Variants in GPC5 observed in about 807,000 individuals in gnomAD.
GPC5 encodes glypican 5.
GPC5 carries 47 observed loss-of-function variants against 53.9 expected under a neutral mutation model. That is an observed-to-expected ratio of 0.87 (90% CI 0.69 to 1.11). The LOEUF is 1.11. Ranked by LOEUF, GPC5 falls within the 50% of genes most tolerant of loss-of-function variation. The pLI, the probability that GPC5 is intolerant of heterozygous loss-of-function variation, is 0.00. For synonymous variants in GPC5, 286 were observed against 263.3 expected (o/e 1.09, Z -0.84); for missense variants, 748 against 713.1 (o/e 1.05, Z -0.56).
chr13:92,183,601 A>G (rs1357821726), intron 7 of GPC5, among the ~76,000 whole-genome samples: 1 of 152,158 alleles, frequency 6.6e-6, no homozygotes, highest in Non-Finnish European at 1.5e-5. Context: ...TAAGATTAAA[A>G]ACCCTTGGAA....
At chr13:92,660,186 G>A (rs1394184855) in intron 7 of GPC5, among the ~76,000 whole-genome samples, 1 of 152,016 alleles carries the variant, frequency 6.6e-6, no homozygotes, top group East Asian at 1.9e-4. Flanking sequence ...TTTACCTATA[G>A]TACATTTTGT....
chr13:91,818,949 G>T (rs1200659084), intron 5 of GPC5, among the ~76,000 whole-genome samples: 1 of 151,808 alleles, frequency 6.6e-6, no homozygotes, highest in Admixed American at 6.6e-5. Context: ...GACACACAGT[G>T]TAAAACATAT....
intron 7 of GPC5, among the ~76,000 whole-genome samples, chr13:92,654,530 A>G (rs1435965928): frequency 6.6e-6 from 1 of 152,116 alleles, no homozygotes. Flanking sequence ...ATTACACTTG[A>G]CCATTTCTAT....
At chr13:91,485,044 A>G (rs1049043983) in intron 2 of GPC5, among the ~76,000 whole-genome samples, 11 of 152,238 alleles carry the variant, frequency 7.2e-5, no homozygotes, top group African/African-American at 2.7e-4. Flanking sequence ...GCAGAACCCC[A>G]GGCCCAGGCC....
intron 7 of GPC5, among the ~76,000 whole-genome samples, chr13:92,514,381 G>A (rs898416209): frequency 2.6e-5 from 4 of 152,042 alleles, no homozygotes; most frequent in Admixed American, 1.3e-4. Flanking sequence ...ATCAGAAAGA[G>A]CCCAGGGAAA....
chr13:91,981,066 T>C (rs1338919295), intron 6 of GPC5, among the ~76,000 whole-genome samples: 2 of 152,214 alleles, frequency 1.3e-5, no homozygotes, highest in Non-Finnish European at 2.9e-5. Flanking sequence ...AAGAGTATTA[T>C]TGTTTGTGTC....
At chr13:91,842,155 T>C (rs1204854418) in intron 5 of GPC5, among the ~76,000 whole-genome samples, 1 of 151,964 alleles carries the variant, frequency 6.6e-6, no homozygotes, top group Non-Finnish European at 1.5e-5. Flanking sequence ...AGTTCATAAA[T>C]ATTTGGGTTT....
chr13:92,129,576 T>A (rs1374079291), intron 6 of GPC5, among the ~76,000 whole-genome samples: 1 of 152,192 alleles, frequency 6.6e-6, no homozygotes, highest in East Asian at 1.9e-4. Flanking sequence ...AAATTTAGAA[T>A]AACCATTGCT....
rs181422265 is a variant in GPC5 at position 92,230,402 on chromosome 13, T to C, written c.1561+85413T>C. On this transcript the variant is annotated intron_variant, in intron 7 of 7. Coordinates refer to ENST00000377067, the MANE Select transcript of GPC5 (RefSeq NM_004466.6). ...TACTACCAATTTGTTTTGAGGAGAATATCTGTGTAACGTACTATTAACAAA... is the reference window on the plus strand; with the variant it reads ...TACTACCAATTTGTTTTGAGGAGAACATCTGTGTAACGTACTATTAACAAA... 4.0e-3 allele frequency among the ~76,000 whole-genome samples: 614 copies of C among 152,284 alleles called. 1 individual carries two copies. Among genetic ancestry groups the C allele is most frequent in the Non-Finnish European group, 5.0e-3 (337 of 67,990 alleles).
At chr13:91,957,959 A>G (rs1315799889) in intron 6 of GPC5, among the ~76,000 whole-genome samples, 1 of 152,218 alleles carries the variant, frequency 6.6e-6, no homozygotes, top group East Asian at 1.9e-4. Flanking sequence ...AAGAGAAAGA[A>G]ATGAACAAAA....
At chr13:91,801,328 A>C (rs1362493132) in intron 5 of GPC5, among the ~76,000 whole-genome samples, 3 of 140,838 alleles carry the variant, frequency 2.1e-5, no homozygotes, top group Admixed American at 1.5e-4. Context: ...GGTCTGTTTA[A>C]TTTTGTTTTT....
At chr13:92,097,383 T>A (rs2041430373) in intron 6 of GPC5, among the ~76,000 whole-genome samples, 1 of 152,184 alleles carries the variant, frequency 6.6e-6, no homozygotes, top group Admixed American at 6.5e-5. Flanking sequence ...CTCATCTATA[T>A]TGCAAAAGAC....
At chr13:92,091,016 C>A (rs916029896) in intron 6 of GPC5, among the ~76,000 whole-genome samples, 1 of 152,178 alleles carries the variant, frequency 6.6e-6, no homozygotes, top group Non-Finnish European at 1.5e-5. Flanking sequence ...AAAAAGGCAG[C>A]TTTCACGAGG....
At chr13:92,274,416 G>A (rs1193517872) in intron 7 of GPC5, among the ~76,000 whole-genome samples, 1 of 151,964 alleles carries the variant, frequency 6.6e-6, no homozygotes, top group African/African-American at 2.4e-5. Flanking sequence ...CCCTCTCCAT[G>A]AGGCATGCAA....
chr13:91,643,334 T>A (rs2034479914), intron 2 of GPC5, among the ~76,000 whole-genome samples: 1 of 152,194 alleles, frequency 6.6e-6, no homozygotes, highest in African/African-American at 2.4e-5. Context: ...AGTCAAAGAC[T>A]AGAATTTAAA....
At chr13:91,570,147 C>G (rs1316295146) in intron 2 of GPC5, among the ~76,000 whole-genome samples, 1 of 152,084 alleles carries the variant, frequency 6.6e-6, no homozygotes, top group Non-Finnish European at 1.5e-5. Context: ...CATAAACAAA[C>G]TTTTAAAATT....
chr13:92,184,247 T>C (rs200076361), intron 7 of GPC5, among the ~76,000 whole-genome samples: 1 of 152,208 alleles, frequency 6.6e-6, no homozygotes, highest in African/African-American at 2.4e-5. Context: ...ATTAATTATA[T>C]ATACACAGAG....
At chr13:91,877,957 A>T (rs1005213110) in intron 5 of GPC5, among the ~76,000 whole-genome samples, 1 of 152,086 alleles carries the variant, frequency 6.6e-6, no homozygotes, top group Non-Finnish European at 1.5e-5. Flanking sequence ...TGATGGGTTT[A>T]TCAGGAGTTT....
Position 92,385,896 on chromosome 13 carries a change from G to A in GPC5, c.1561+240907G>A, listed in dbSNP as rs985478036. Among the ~76,000 whole-genome samples, 4 of 148,904 alleles carry A rather than the reference G, an allele frequency of 2.7e-5. No homozygotes were observed. The East Asian group carries it at 8.0e-4, about 30-fold the overall frequency. On this transcript the variant is annotated intron_variant, in intron 7 of 7. Coordinates refer to ENST00000377067, the MANE Select transcript of GPC5 (RefSeq NM_004466.6). The stretch of plus-strand genomic sequence containing the variant: ...TAGGGACCTATAAAAACATACCCAA[G>A]TGACTCACGTAAGCTTTAGCAGACA...
Sources: allele counts gnomAD v4.1 joint callset (sites outside exome capture counted in the v4.1 genomes callset), GRCh38; gene constraint gnomAD v4.1.1; transcripts MANE v1.5; gene names NCBI Gene and HGNC (gene_info 2026-07-23, HGNC 2026-07-21).